The following CCDC170 variants were observed in gnomAD, a reference collection of about 807,000 sequenced individuals.
CCDC170 encodes coiled-coil domain-containing protein 170.
In CCDC170, 69 loss-of-function variants were observed where a neutral mutation model predicts 72.6. That is an observed-to-expected ratio of 0.95 (90% CI 0.78 to 1.16). The LOEUF is 1.16. Ranked by LOEUF, CCDC170 falls within the 50% of genes most tolerant of loss-of-function variation. The pLI is 0.00. For synonymous variants in CCDC170, 300 were observed against 303.9 expected, an observed-to-expected ratio of 0.99 and a Z score of 0.13; for missense variants, 852 against 832.5, an observed-to-expected ratio of 1.02 and a Z score of -0.29.
At chr6:151,533,414 TC>T (rs1782525094) in intron 1 of CCDC170, among the ~76,000 whole-genome samples, 1 of 151,876 alleles carries the variant, frequency 6.6e-6, no homozygotes, top group South Asian at 2.1e-4. Flanking sequence ...ATGTCAGTAA[TC>T]CCAGCACTTT....
At chr6:151,614,117 AATAAC>A (rs957562890) in intron 9 of CCDC170, among the ~76,000 whole-genome samples, 111 of 152,336 alleles carry the variant, frequency 7.3e-4, no homozygotes, top group African/African-American at 2.5e-3. Context: ...GTAAAATAAA[AATAAC>A]ATAATATATA....
chr6:151,527,619 T>C (rs1183993032), intron 1 of CCDC170, among the ~76,000 whole-genome samples: 1 of 151,924 alleles, frequency 6.6e-6, no homozygotes, highest in African/African-American at 2.4e-5. Flanking sequence ...AGGGGAGAGC[T>C]TCTTAGAAGG....
chr6:151,566,440 A>AGAAGTAT (rs1366864752), intron 5 of CCDC170, among the ~76,000 whole-genome samples: 1 of 152,018 alleles, frequency 6.6e-6, no homozygotes, highest in Non-Finnish European at 1.5e-5. Context: ...TTTCCAGTCC[A>AGAAGTAT]TTGCTGACAA....
At position 151,538,011 on chromosome 6, in the gene CCDC170, G is replaced by GTTT. The variant is rs35795489; in HGVS notation, c.187-22_187-20dup. 4.7e-3 allele frequency: 6,394 copies of GTTT among 1,371,050 alleles called. 1 individual carries two copies. Among genetic ancestry groups the GTTT allele is most frequent in the East Asian group, 0.029 (1,199 of 41,446 alleles). The allele number at this position is 1,371,050 out of a possible 1,614,324, so 84.9% of individuals were successfully genotyped here. On this transcript the variant is annotated intron_variant, in intron 2 of 10. Coordinates refer to ENST00000239374, the MANE Select transcript of CCDC170 (RefSeq NM_025059.4). ...GATAATTCAAACTTATGTTGTTAAG[G>GTTT]TTTTTTTTTTTTTTAACTTCTTTTC... is the stretch of plus-strand genomic sequence containing the variant.
chr6:151,587,073 C>T (rs568646055), intron 7 of CCDC170, among the ~76,000 whole-genome samples: 2 of 151,952 alleles, frequency 1.3e-5, no homozygotes, highest in African/African-American at 2.4e-5. Flanking sequence ...TGTGAGCCAC[C>T]GTGCCAGGCC....
chr6:151,535,962 T>C (rs1334825786), intron 1 of CCDC170, among the ~76,000 whole-genome samples: 1 of 152,096 alleles, frequency 6.6e-6, no homozygotes, highest in East Asian at 1.9e-4. Context: ...GCTGTCTCTA[T>C]CTGGTCAGGC....
chr6:151,569,124 G>T (rs1191071193), intron 5 of CCDC170, among the ~76,000 whole-genome samples: 1 of 152,042 alleles, frequency 6.6e-6, no homozygotes, highest in Non-Finnish European at 1.5e-5. Flanking sequence ...TTAACCAACT[G>T]ATTTTTTTAT....
intron 3 of CCDC170, among the ~76,000 whole-genome samples, chr6:151,543,515 C>T (rs967790943): frequency 2.0e-5 from 3 of 152,006 alleles, no homozygotes; most frequent in African/African-American, 7.3e-5. Context: ...CTGTATTCAC[C>T]CTACTGTGCT....
At chr6:151,606,242 G>T (rs997152498) in intron 9 of CCDC170, among the ~76,000 whole-genome samples, 1 of 152,158 alleles carries the variant, frequency 6.6e-6, no homozygotes, top group Non-Finnish European at 1.5e-5. Flanking sequence ...TTATCATTTT[G>T]ATGTAGGCAT....
At chr6:151,509,462 C>T (rs1449532265) in intron 1 of CCDC170, among the ~76,000 whole-genome samples, 1 of 152,022 alleles carries the variant, frequency 6.6e-6, no homozygotes, top group Non-Finnish European at 1.5e-5. Context: ...AAAATAGGAC[C>T]TGAAGTTAAT....
intron 1 of CCDC170, among the ~76,000 whole-genome samples, chr6:151,508,932 T>G (rs1782102296): frequency 6.6e-6 from 1 of 151,048 alleles, no homozygotes; most frequent in African/African-American, 2.4e-5. Flanking sequence ...AGAGAATCAC[T>G]TGAACCCAGG....
At chr6:151,578,241 A>G (rs1776331313) in intron 6 of CCDC170, among the ~76,000 whole-genome samples, 1 of 152,152 alleles carries the variant, frequency 6.6e-6, no homozygotes, top group Non-Finnish European at 1.5e-5. Flanking sequence ...TGCTACGACA[A>G]AGTACCGCAA....
chr6:151,614,529 AC>A (rs909317301), intron 9 of CCDC170, among the ~76,000 whole-genome samples: 2 of 151,704 alleles, frequency 1.3e-5, no homozygotes, highest in African/African-American at 4.8e-5. Context: ...ATCTTGACTC[AC>A]TGCAACCTCT....
chr6:151,527,638 A>C (rs77244105), intron 1 of CCDC170, among the ~76,000 whole-genome samples: 3,513 of 152,246 alleles, frequency 0.023, 125 homozygotes, highest in African/African-American at 0.074. Context: ...GGAGTTGCTT[A>C]CTGGGCACCA....
intron 1 of CCDC170, among the ~76,000 whole-genome samples, chr6:151,521,357 T>C (rs927066820): frequency 6.6e-6 from 1 of 152,174 alleles, no homozygotes; most frequent in Non-Finnish European, 1.5e-5. Context: ...AGTATAAGAT[T>C]TGTAATCTGC....
At chr6:151,529,161 G>C (rs953744494) in intron 1 of CCDC170, among the ~76,000 whole-genome samples, 1 of 151,978 alleles carries the variant, frequency 6.6e-6, no homozygotes, top group African/African-American at 2.4e-5. Flanking sequence ...TGTGTTTTAT[G>C]AAAAACAGTA....
intron 1 of CCDC170, among the ~76,000 whole-genome samples, chr6:151,505,611 G>A (rs1303009216): frequency 6.6e-6 from 1 of 152,036 alleles, no homozygotes; most frequent in Non-Finnish European, 1.5e-5. Flanking sequence ...GTGAACCCGG[G>A]AGGCGGAGCT....
intron 1 of CCDC170, among the ~76,000 whole-genome samples, chr6:151,522,838 C>T (rs1172084169): frequency 6.6e-6 from 1 of 152,160 alleles, no homozygotes; most frequent in African/African-American, 2.4e-5. Flanking sequence ...AAGCATCGCA[C>T]CTAAGGTGTG....
chr6:151,532,404 C>T (rs920732261), intron 1 of CCDC170, among the ~76,000 whole-genome samples: 4 of 151,906 alleles, frequency 2.6e-5, no homozygotes. Flanking sequence ...GTCAGGAGTT[C>T]GAGACCAGCC....
Sources: allele counts gnomAD v4.1 joint callset (sites outside exome capture counted in the v4.1 genomes callset), GRCh38; gene constraint gnomAD v4.1.1; transcripts MANE v1.5; gene names NCBI Gene and HGNC (gene_info 2026-07-23, HGNC 2026-07-21).